Variants in CEP70 observed in about 807,000 individuals in gnomAD.
CEP70 encodes centrosomal protein of 70 kDa.
CEP70 carries 70 observed loss-of-function variants against 90.9 expected under a neutral mutation model. That is an observed-to-expected ratio of 0.77 (90% CI 0.64 to 0.94). CEP70 has a LOEUF of 0.94. Among genes scored for constraint, CEP70 ranks in the 40% least tolerant of loss-of-function variants. The pLI, the probability that CEP70 is intolerant of heterozygous loss-of-function variation, is 0.00. For synonymous variants in CEP70, 220 were observed against 228.3 expected (o/e 0.96, Z 0.33); for missense variants, 648 against 669.0 (o/e 0.97, Z 0.35).
At chr3:138,593,239 T>C (rs78830138) in intron 1 of CEP70, among the ~76,000 whole-genome samples, 7,808 of 152,212 alleles carry the variant, frequency 0.051, 290 homozygotes, top group Non-Finnish European at 0.077. Context: ...ACATATATTT[T>C]TGAGACAGAG....
chr3:138,571,448 C>T, intron 3 of CEP70, 92 bp from the exon 4 acceptor site: 2 of 873,648 alleles, frequency 2.3e-6, no homozygotes, highest in Non-Finnish European at 1.8e-6. Context: ...CAGAATAGAA[C>T]TTTTTCTTCA....
At chr3:138,522,007 C>A (rs35549884) in intron 11 of CEP70, among the ~76,000 whole-genome samples, 1 of 152,102 alleles carries the variant, frequency 6.6e-6, no homozygotes, top group African/African-American at 2.4e-5. Context: ...CTCTCTGAAA[C>A]GTGCTGTGTC....
chr3:138,530,865 G>A (rs1402651669), intron 8 of CEP70: 3 of 984,006 alleles, frequency 3.0e-6, no homozygotes, highest in Non-Finnish European at 3.6e-6. Context: ...TTTCAAGTTA[G>A]TACTTACTCT....
Position 138,494,443 on chromosome 3 carries a change from C to T in CEP70, c.*572G>A, listed in dbSNP as rs2033848738. On this transcript the variant is annotated 3_prime_UTR_variant, in exon 18 of 18. Coordinates refer to ENST00000264982, the MANE Select transcript of CEP70 (RefSeq NM_024491.4). ...AAGACACTTTTTAAATGAGAGACTT[C>T]TATCTACTCATCCATTTTACCCTAT... is the stretch of plus-strand genomic sequence containing the variant. The T allele has an allele frequency of 6.6e-6, 1 of 152,226 alleles. No homozygotes were observed. Among genetic ancestry groups the T allele is most frequent in the Non-Finnish European group, 1.5e-5 (1 of 68,038 alleles). 9.4% of individuals were successfully genotyped at this position (152,226 alleles called of 1,614,324 possible).
intron 11 of CEP70, among the ~76,000 whole-genome samples, chr3:138,524,533 C>T (rs1395936339): frequency 6.6e-6 from 1 of 152,084 alleles, no homozygotes; most frequent in Non-Finnish European, 1.5e-5. Flanking sequence ...GGCTAATATC[C>T]AGAATCTACA....
In CEP70 at chr3:138,581,993, A is replaced by C. The variant is rs181383280; in HGVS notation, c.-5-9061T>G. Among the ~76,000 whole-genome samples the C allele has an allele frequency of 4.3e-3, 660 of 152,300 alleles. 6 individuals are homozygous for C. The highest frequency in any genetic ancestry group is 0.041 in the Middle Eastern group (12 of 294). On this transcript the variant is annotated intron_variant, in intron 2 of 17. Transcript: ENST00000264982. ...TATTTAAAATGCTGAAGCAAAAAAAACTTTTACCCTAGAATACGTCAAACA... is the reference window on the plus strand; with the variant it reads ...TATTTAAAATGCTGAAGCAAAAAAACCTTTTACCCTAGAATACGTCAAACA...
At chr3:138,552,742 C>T (rs186646661) in intron 6 of CEP70, among the ~76,000 whole-genome samples, 1 of 152,074 alleles carries the variant, frequency 6.6e-6, no homozygotes, top group Non-Finnish European at 1.5e-5. Context: ...CACAACTAGA[C>T]AATCTAAGGT....
chr3:138,530,749 C>T (rs575750254), intron 8 of CEP70: 1 of 985,402 alleles, frequency 1.0e-6, no homozygotes, highest in African/African-American at 1.7e-5. Flanking sequence ...TAATACTTGT[C>T]AATGAATTGT....
intron 14 of CEP70, 21 bp downstream of exon 14, chr3:138,500,714 G>A (rs2034428551): frequency 6.4e-7 from 1 of 1,556,088 alleles, no homozygotes; most frequent in Non-Finnish European, 8.7e-7. Flanking sequence ...ATTAGAAGGT[G>A]ACCGTTCATG....
chr3:138,572,247 T>A (rs1235098027), intron 3 of CEP70, among the ~76,000 whole-genome samples: 2 of 152,220 alleles, frequency 1.3e-5, no homozygotes, highest in African/African-American at 2.4e-5. Context: ...AAAGACACTC[T>A]CAAAGTCAAA....
At chr3:138,556,618 G>A (rs542367601) in intron 6 of CEP70, among the ~76,000 whole-genome samples, 16 of 151,852 alleles carry the variant, frequency 1.1e-4, no homozygotes, top group East Asian at 9.7e-4. Context: ...AGCATCGTCC[G>A]GGTTGAGAAA....
intron 7 of CEP70, 180 bp downstream of exon 7, chr3:138,536,998 G>C (rs978632797): frequency 8.4e-6 from 2 of 239,094 alleles, no homozygotes; most frequent in East Asian, 1.0e-4. Context: ...AGGACCTCTA[G>C]AACAAAAAAA....
rs75444123 is a variant in CEP70, at chr3:138,496,618, G to A, written c.1732+1413C>T. Reference sequence around the variant, plus strand: ...CACCATTTACATGAGAAAAAGAATGGATTGTTTTTTTACTCACTAAAGGTA... The same window carrying A: ...CACCATTTACATGAGAAAAAGAATGAATTGTTTTTTTACTCACTAAAGGTA... On this transcript the variant is annotated intron_variant, in intron 17 of 17. Transcript: ENST00000264982. 1.7e-3 allele frequency: 1,642 copies of A among 985,270 alleles called. 8 individuals are homozygous for A. The highest frequency in any genetic ancestry group is 0.014 in the Middle Eastern group (26 of 1,914). 61.0% of individuals were successfully genotyped at this position (985,270 alleles called of 1,614,324 possible).
At chr3:138,504,603 A>G (rs1451378350) in intron 13 of CEP70, among the ~76,000 whole-genome samples, 1 of 152,188 alleles carries the variant, frequency 6.6e-6, no homozygotes, top group East Asian at 1.9e-4. Context: ...GTTACTAATA[A>G]ATCTAAAGTG....
intron 7 of CEP70, among the ~76,000 whole-genome samples, chr3:138,536,157 A>T (rs143234223): frequency 1.3e-5 from 2 of 152,234 alleles, no homozygotes; most frequent in Admixed American, 6.5e-5. Context: ...TTAAACTGTT[A>T]AGAGAAAAAA....
chr3:138,579,531 C>T (rs960073037), intron 2 of CEP70, among the ~76,000 whole-genome samples: 4 of 151,866 alleles, frequency 2.6e-5, no homozygotes, highest in African/African-American at 9.7e-5. Flanking sequence ...AGCTCAGTCA[C>T]AGTAGGATAG....
rs2037133251 is a variant in CEP70 at position 138,525,484 on chromosome 3, A to C, written c.944+6T>G. On this transcript the variant is annotated splice_donor_region_variant and intron_variant, in intron 11 of 17. Coordinates refer to ENST00000264982, the MANE Select transcript of CEP70 (RefSeq NM_024491.4). Reference sequence around the variant, plus strand: ...AAAGAGGCAATTTTGGTAAAAATATAATTACTTGACGTTTTTCTTAAGGGC... The same window carrying C: ...AAAGAGGCAATTTTGGTAAAAATATCATTACTTGACGTTTTTCTTAAGGGC... 1 of 1,307,086 alleles carries C rather than the reference A, an allele frequency of 7.7e-7. No individual in the cohort carries two copies. The highest frequency in any genetic ancestry group is 2.2e-5 in the South Asian group (1 of 45,810). 81.0% of individuals were successfully genotyped at this position (1,307,086 alleles called of 1,614,324 possible). A position where few individuals can be genotyped will look rare whatever the true frequency, so the allele number is the denominator to read the frequency against.
chr3:138,544,509 GTGTATGTATGTATGTA>G (rs34978232), intron 6 of CEP70, among the ~76,000 whole-genome samples: 1 of 148,976 alleles, frequency 6.7e-6, no homozygotes, highest in South Asian at 2.1e-4. Context: ...ACTACAGAGT[GTGTATGTATGTATGTA>G]TGTATGTATG....
intron 6 of CEP70, among the ~76,000 whole-genome samples, chr3:138,539,354 T>C (rs1395459811): frequency 6.6e-6 from 1 of 152,202 alleles, no homozygotes; most frequent in Non-Finnish European, 1.5e-5. Context: ...TATATCTCTA[T>C]ATTCCTTAAT....
Sources: gnomAD v4.1 joint callset for allele counts (sites outside exome capture counted in the v4.1 genomes callset) on GRCh38, gnomAD v4.1.1 for gene constraint, MANE v1.5 for transcripts, NCBI Gene and HGNC (gene_info 2026-07-23, HGNC 2026-07-21) for gene names.